The following CNTN4 variants were observed in gnomAD, a reference collection of about 807,000 sequenced individuals.
CNTN4 encodes contactin 4.
In CNTN4, 77 loss-of-function variants were observed where a neutral mutation model predicts 122.5. The observed-to-expected ratio is 0.63, with a 90% CI of 0.52 to 0.76. CNTN4 has a LOEUF of 0.76. CNTN4 is among the 30% of genes least tolerant of loss of function. CNTN4 has a pLI of 0.00. For synonymous variants in CNTN4, 512 were observed against 447.0 expected (o/e 1.15, Z -1.83); for missense variants, 1,256 against 1,259.1 (o/e 1.00, Z 0.04).
rs188867424 is a variant in CNTN4 at position 2,896,299 on chromosome 3, G to A, written c.941-4386G>A. On this transcript the variant is annotated intron_variant, in intron 10 of 24. Coordinates refer to ENST00000418658, the MANE Select transcript of CNTN4 (RefSeq NM_175607.3). ...GGCTGCAGCAAGGAAGCAGCCTTGC[G>A]TTGTGTTAAATATTGAGAATTTGAA... 1.6e-4 allele frequency among the ~76,000 whole-genome samples: 24 copies of A among 152,148 alleles called. 1 individual carries two copies. The highest frequency in any genetic ancestry group is 1.4e-3 in the Admixed American group (21 of 15,284).
At chr3:2,595,784 C>T (rs1292431644) in intron 4 of CNTN4, among the ~76,000 whole-genome samples, 1 of 152,094 alleles carries the variant, frequency 6.6e-6, no homozygotes, top group Non-Finnish European at 1.5e-5. Context: ...TGAGTCAGTC[C>T]TGCTCATTTA....
Position 2,333,143 on chromosome 3 carries a change from C to T in CNTN4, c.-144-6035C>T, listed in dbSNP as rs1015809148. On this transcript the variant is annotated intron_variant, in intron 2 of 24. Coordinates refer to ENST00000418658, the MANE Select transcript of CNTN4 (RefSeq NM_175607.3). ...AGTTTCTGGCCTTACAACTGATGAG[C>T]AGCATAAGCCATTCCCACTGCTGTT... is the stretch of plus-strand genomic sequence containing the variant. 5.3e-5 allele frequency among the ~76,000 whole-genome samples: 8 copies of T among 152,168 alleles called. No individual in the cohort carries two copies. In the South Asian group the frequency reaches 1.0e-3, roughly 20 times the overall value.
rs537605830 is a variant in CNTN4 at position 2,192,312 on chromosome 3, T to C, written c.-145+91673T>C. ...TCCTTGAGGAATCGCCACACTGTCTTCCACAATGGTTGAACTAGTTTACAG... is the reference window on the plus strand; with the variant it reads ...TCCTTGAGGAATCGCCACACTGTCTCCCACAATGGTTGAACTAGTTTACAG... On this transcript the variant is annotated intron_variant, in intron 2 of 24. Coordinates refer to ENST00000418658, the MANE Select transcript of CNTN4 (RefSeq NM_175607.3). Among the ~76,000 whole-genome samples, 312 of 152,170 alleles carry C rather than the reference T, an allele frequency of 2.1e-3. 2 individuals carry two copies. The highest frequency in any genetic ancestry group is 3.5e-3 in the Admixed American group (53 of 15,272).
chr3:2,830,529 T>C (rs1371340089), intron 7 of CNTN4, among the ~76,000 whole-genome samples: 1 of 152,216 alleles, frequency 6.6e-6, no homozygotes, highest in African/African-American at 2.4e-5. Flanking sequence ...GATGACATTG[T>C]GTTAGAACAT....
At chr3:2,785,406 T>G (rs546927498) in intron 6 of CNTN4, among the ~76,000 whole-genome samples, 5 of 152,204 alleles carry the variant, frequency 3.3e-5, no homozygotes, top group African/African-American at 1.2e-4. Context: ...TTCATTCTAC[T>G]CAGGCCTTCA....
At chr3:2,593,023 T>A (rs1341793903) in intron 4 of CNTN4, among the ~76,000 whole-genome samples, 1 of 152,212 alleles carries the variant, frequency 6.6e-6, no homozygotes, top group Non-Finnish European at 1.5e-5. Context: ...GCAAATTGTC[T>A]CTTTACCAGC....
chr3:3,013,689 T>G (rs553441272), intron 14 of CNTN4, among the ~76,000 whole-genome samples: 1 of 151,352 alleles, frequency 6.6e-6, no homozygotes, highest in South Asian at 2.1e-4. Flanking sequence ...GGATAAGAAA[T>G]GATTTTGTAA....
At chr3:2,910,869 A>G (rs1404968445) in intron 12 of CNTN4, among the ~76,000 whole-genome samples, 4 of 152,120 alleles carry the variant, frequency 2.6e-5, no homozygotes, top group Non-Finnish European at 4.4e-5. Flanking sequence ...TTTTTCCCCA[A>G]TGGACCAGTT....
intron 6 of CNTN4, among the ~76,000 whole-genome samples, chr3:2,762,416 G>T (rs9683225): frequency 1.3e-5 from 2 of 151,808 alleles, no homozygotes; most frequent in South Asian, 4.2e-4. Flanking sequence ...TCTATGTGTC[G>T]ATGTGTTCTC....
At chr3:2,380,999 T>C (rs2045996257) in intron 3 of CNTN4, among the ~76,000 whole-genome samples, 1 of 151,996 alleles carries the variant, frequency 6.6e-6, no homozygotes, top group East Asian at 1.9e-4. Flanking sequence ...TGTTTTGTTT[T>C]GTTTTTTTCT....
At chr3:2,249,377 G>C (rs1039099200) in intron 2 of CNTN4, among the ~76,000 whole-genome samples, 4 of 152,040 alleles carry the variant, frequency 2.6e-5, no homozygotes, top group Non-Finnish European at 5.9e-5. Context: ...ATAATCTTCC[G>C]ACCTCTGAAA....
chr3:2,896,712 A>G (rs890727806), intron 10 of CNTN4, among the ~76,000 whole-genome samples: 6 of 152,216 alleles, frequency 3.9e-5, no homozygotes, highest in African/African-American at 1.4e-4. Context: ...AATCCCAGGC[A>G]GGAGATAGAG....
At chr3:2,828,744 C>CTGTT (rs1163451463) in intron 7 of CNTN4, among the ~76,000 whole-genome samples, 1 of 151,870 alleles carries the variant, frequency 6.6e-6, no homozygotes, top group Non-Finnish European at 1.5e-5. Flanking sequence ...AAATATTCTT[C>CTGTT]TGTTTGTTTT....
intron 3 of CNTN4, among the ~76,000 whole-genome samples, chr3:2,423,403 G>A (rs1215308614): frequency 6.6e-6 from 1 of 151,710 alleles, no homozygotes; most frequent in Non-Finnish European, 1.5e-5. Context: ...AATGAACATT[G>A]ATCATGCTCA....
At chr3:2,127,785 G>T (rs1305571639) in intron 2 of CNTN4, among the ~76,000 whole-genome samples, 1 of 152,136 alleles carries the variant, frequency 6.6e-6, no homozygotes, top group African/African-American at 2.4e-5. Context: ...GTAGAAATCT[G>T]CCAGTGTTTA....
At chr3:2,685,080 A>T (rs1373623153) in intron 4 of CNTN4, among the ~76,000 whole-genome samples, 1 of 152,206 alleles carries the variant, frequency 6.6e-6, no homozygotes, top group African/African-American at 2.4e-5. Context: ...ATACATATAC[A>T]TTAAGATCAG....
chr3:2,198,272 A>T (rs959263403), intron 2 of CNTN4, among the ~76,000 whole-genome samples: 2 of 152,146 alleles, frequency 1.3e-5, no homozygotes, highest in Admixed American at 1.3e-4. Flanking sequence ...TTTGAAATAT[A>T]TATCTTCTCA....
intron 3 of CNTN4, among the ~76,000 whole-genome samples, chr3:2,548,916 G>A (rs1194316263): frequency 3.9e-5 from 6 of 152,006 alleles, no homozygotes; most frequent in South Asian, 2.1e-4. Context: ...GTATTCCTAG[G>A]TATTTTATTC....
At chr3:2,650,778 A>C (rs1170121873) in intron 4 of CNTN4, among the ~76,000 whole-genome samples, 1 of 152,214 alleles carries the variant, frequency 6.6e-6, no homozygotes, top group African/African-American at 2.4e-5. Context: ...TGTTTTTTAG[A>C]CATAATGCTA....
Sources: gnomAD v4.1 joint callset for allele counts (sites outside exome capture counted in the v4.1 genomes callset) on GRCh38, gnomAD v4.1.1 for gene constraint, MANE v1.5 for transcripts, NCBI Gene and HGNC (gene_info 2026-07-23, HGNC 2026-07-21) for gene names.